Variants in VPS8 observed in about 807,000 individuals in gnomAD.
The protein encoded by VPS8 is vacuolar protein sorting-associated protein 8 homolog.
A neutral mutation model predicts 216.4 loss-of-function variants in VPS8; 129 were observed. The observed-to-expected ratio is 0.60, with a 90% CI of 0.52 to 0.69. The LOEUF is 0.69. Among genes scored for constraint, VPS8 ranks in the 30% least tolerant of loss-of-function variants. VPS8 has a pLI of 0.00. For synonymous variants in VPS8, 571 were observed against 565.4 expected, an observed-to-expected ratio of 1.01 and a Z score of -0.14; for missense variants, 1,531 against 1,683.5, an observed-to-expected ratio of 0.91 and a Z score of 1.59.
At chr3:184,850,284 C>T (rs1012924831) in intron 10 of VPS8, among the ~76,000 whole-genome samples, 7 of 152,078 alleles carry the variant, frequency 4.6e-5, no homozygotes, top group African/African-American at 7.2e-5. Flanking sequence ...ATTGATACAG[C>T]GGCAAAAAGG....
At chr3:184,842,246 C>G (rs1302814738) in intron 7 of VPS8, among the ~76,000 whole-genome samples, 1 of 146,532 alleles carries the variant, frequency 6.8e-6, no homozygotes, top group South Asian at 2.2e-4. Flanking sequence ...TCAAGTATAG[C>G]TTACTGCAAA....
intron 42 of VPS8, among the ~76,000 whole-genome samples, chr3:184,990,175 A>G (rs1300101193): frequency 6.6e-6 from 1 of 152,204 alleles, no homozygotes; most frequent in East Asian, 1.9e-4. Flanking sequence ...AGAATTCCTC[A>G]TTATTTTCCT....
chr3:184,917,621 G>C (rs1737837560), intron 28 of VPS8, among the ~76,000 whole-genome samples: 1 of 152,138 alleles, frequency 6.6e-6, no homozygotes, highest in Non-Finnish European at 1.5e-5. Context: ...GGCCAAGCTG[G>C]TCTCGAACTC....
At chr3:184,919,861 T>A (rs1177461575) in intron 28 of VPS8, among the ~76,000 whole-genome samples, 1 of 152,172 alleles carries the variant, frequency 6.6e-6, no homozygotes, top group African/African-American at 2.4e-5. Context: ...TTTTTTTTGC[T>A]TATGGACTTT....
At chr3:184,931,750 C>T (rs75330944) in intron 34 of VPS8, among the ~76,000 whole-genome samples, 4,795 of 152,118 alleles carry the variant, frequency 0.032, 268 homozygotes, top group African/African-American at 0.11. Context: ...TAAAATAACC[C>T]AACAAGTCAT....
chr3:184,833,586 T>G (rs1720457771), intron 4 of VPS8, among the ~76,000 whole-genome samples: 1 of 152,224 alleles, frequency 6.6e-6, no homozygotes, highest in South Asian at 2.1e-4. Context: ...TCTTGTTGCC[T>G]GCAAAATTAA....
chr3:184,936,489 A>G (rs1741644661), intron 35 of VPS8, among the ~76,000 whole-genome samples, 154 bp downstream of exon 35: 1 of 142,810 alleles, frequency 7.0e-6, no homozygotes, highest in Non-Finnish European at 1.5e-5. Flanking sequence ...GGTTTTTGCC[A>G]TTTCTTTAAT....
chr3:184,824,282 A>G (rs79433297), intron 1 of VPS8: 6 of 201,532 alleles, frequency 3.0e-5, no homozygotes, highest in East Asian at 1.1e-4. Context: ...CTATTAAGTT[A>G]TCACTATCAC....
chr3:184,928,668 G>A (rs769137051), intron 32 of VPS8, 135 bp downstream of exon 32: 13 of 723,430 alleles, frequency 1.8e-5, no homozygotes, highest in Non-Finnish European at 2.3e-5. Flanking sequence ...AAAAGCTAAG[G>A]GTGAAAATTT....
At chr3:184,936,142 G>A in intron 34 of VPS8, 104 bp from the exon 35 acceptor site, 1 of 915,586 alleles carries the variant, frequency 1.1e-6, no homozygotes, top group Non-Finnish European at 1.7e-6. Flanking sequence ...AATGCAGCAT[G>A]GAAGCTTGCG....
chr3:185,038,503 C>G (rs1759204584), intron 46 of VPS8, among the ~76,000 whole-genome samples: 1 of 152,310 alleles, frequency 6.6e-6, no homozygotes, highest in East Asian at 1.9e-4. Context: ...AGTAGCCAGC[C>G]TGTAGTCTAG....
Position 184,929,682 on chromosome 3 carries a change from T to C in VPS8, c.2799+18T>C. On this transcript the variant is annotated intron_variant, in intron 33 of 47. Transcript: ENST00000625842. The stretch of plus-strand genomic sequence containing the variant: ...TGCGAGAGGTGAGTCAAGATACTGC[T>C]TTACTCTTTTTTCTTACTCAACTTT... 1.4e-6 allele frequency: 2 copies of C among 1,396,620 alleles called. No homozygotes were observed. 86.5% of individuals were successfully genotyped at this position (1,396,620 alleles called of 1,614,324 possible). A position where few individuals can be genotyped will look rare whatever the true frequency, so the allele number is the denominator to read the frequency against.
chr3:184,860,054 A>G lies in VPS8; in HGVS notation c.1213A>G (p.Ile405Val), dbSNP rs773163772. Residue 405 changes from isoleucine to valine, a missense_variant, in exon 15 of 48, where the codon ATC becomes GTC. Physicochemically the swap from Ile to Val is conservative, Grantham distance 29 (BLOSUM62 3). Coordinates refer to ENST00000625842, the MANE Select transcript of VPS8 (RefSeq NM_001009921.3). ...GCATCTTCACCTATACTATGACCTCATCAACTTTACCGTGAGTATTATTCA... is the reference window on the plus strand; with the variant it reads ...GCATCTTCACCTATACTATGACCTCGTCAACTTTACCGTGAGTATTATTCA... ...QKHLHLYYDL[I>V]NFTWINSRTV... 1 of 1,609,280 alleles carries G rather than the reference A, an allele frequency of 6.2e-7. No individual in the cohort carries two copies. Among genetic ancestry groups the G allele is most frequent in the South Asian group, 1.1e-5 (1 of 90,820 alleles).
chr3:184,819,387 C>T (rs1489161941), intron 1 of VPS8, among the ~76,000 whole-genome samples: 1 of 152,150 alleles, frequency 6.6e-6, no homozygotes, highest in Non-Finnish European at 1.5e-5. Context: ...CTCTTAAGAA[C>T]TATAAAAACA....
intron 30 of VPS8, among the ~76,000 whole-genome samples, chr3:184,925,295 A>G (rs967242979): frequency 2.0e-5 from 3 of 152,164 alleles, no homozygotes; most frequent in South Asian, 2.1e-4. Context: ...TATGACCATC[A>G]CCTGGAGAAA....
chr3:185,024,372 GATCCC>G lies in VPS8; in HGVS notation c.4041_4045del (p.Pro1348CysfsTer2). 1 of 1,598,514 alleles carries G rather than the reference GATCCC, an allele frequency of 6.3e-7. No homozygotes were observed. The highest frequency in any genetic ancestry group is 8.5e-7 in the Non-Finnish European group (1 of 1,171,796). On this transcript the variant is annotated frameshift_variant, in exon 46 of 48. Coordinates refer to ENST00000625842, the MANE Select transcript of VPS8 (RefSeq NM_001009921.3). LOFTEE classifies it high-confidence loss of function. Reference sequence around the variant, plus strand: ...TCCATCGTATCATCAGTCCAAAGGGGATCCCACTGCTAAAAAGGTGAGTTTGTTTT... The same window carrying G: ...TCCATCGTATCATCAGTCCAAAGGGGACTGCTAAAAAGGTGAGTTTGTTTT...
At chr3:184,879,758 T>G (rs900990805) in intron 21 of VPS8, among the ~76,000 whole-genome samples, 2 of 152,186 alleles carry the variant, frequency 1.3e-5, no homozygotes, top group Non-Finnish European at 2.9e-5. Flanking sequence ...GTTGAGTCTT[T>G]GTGTAGCCCT....
intron 40 of VPS8, 50 bp downstream of exon 40, chr3:184,971,802 TG>T (rs1236337735): frequency 6.0e-6 from 9 of 1,497,698 alleles, no homozygotes; most frequent in Non-Finnish European, 7.4e-6. Context: ...TGGCCAGACA[TG>T]GTGGCCCACG....
chr3:184,902,758 A>G (rs534108630), intron 25 of VPS8, among the ~76,000 whole-genome samples: 1 of 150,234 alleles, frequency 6.7e-6, no homozygotes, highest in South Asian at 2.1e-4. Context: ...TGAACCCGGG[A>G]GGCGGAGGTT....
Sources: allele counts gnomAD v4.1 joint callset (sites outside exome capture counted in the v4.1 genomes callset), GRCh38; gene constraint gnomAD v4.1.1; transcripts MANE v1.5; gene names NCBI Gene and HGNC (gene_info 2026-07-23, HGNC 2026-07-21).